The following EEF2KMT variants were observed in gnomAD, a reference collection of about 807,000 sequenced individuals.
EEF2KMT encodes the protein protein-lysine N-methyltransferase EEF2KMT.
Under a neutral mutation model 35.1 loss-of-function variants are expected in EEF2KMT, and 30 were observed. The observed-to-expected ratio is 0.85, with a 90% CI of 0.64 to 1.16. The LOEUF (loss-of-function observed/expected upper bound fraction) is 1.16, where lower values mean the gene tolerates loss of function less well. Ranked by LOEUF, EEF2KMT falls within the 50% of genes most tolerant of loss-of-function variation. EEF2KMT has a pLI of 0.00. For synonymous variants in EEF2KMT, 190 were observed against 187.7 expected, an observed-to-expected ratio of 1.01 and a Z score of -0.10; for missense variants, 499 against 438.2, an observed-to-expected ratio of 1.14 and a Z score of -1.24.
intron 1 of EEF2KMT, 123 bp downstream of exon 1, chr16:5,097,521 G>C (rs1459611889): frequency 2.7e-6 from 4 of 1,482,080 alleles, no homozygotes; most frequent in Non-Finnish European, 3.6e-6. Context: ...GCGCGGCCCT[G>C]ACCGGCGGGA....
At chr16:5,091,534 G>A (rs542746899) in intron 4 of EEF2KMT, among the ~76,000 whole-genome samples, 1 of 152,370 alleles carries the variant, frequency 6.6e-6, no homozygotes, top group South Asian at 2.1e-4. Flanking sequence ...ATTCTTTGAG[G>A]ACTGGGCACC....
rs748578012 is a variant in EEF2KMT at position 5,090,172 on chromosome 16, GCTGT to G, written c.650_653del (p.Asp217AlafsTer4). The G allele has an allele frequency of 2.5e-5, 41 of 1,611,524 alleles. No homozygotes were observed. The highest frequency in any genetic ancestry group is 3.2e-5 in the Non-Finnish European group (38 of 1,179,852). ...CCAGCTGGGCCACTGTCACCCTGGG[GCTGT>G]CTAACTTGGCAGTGATGTCTGCCTC... On this transcript the variant is annotated frameshift_variant, in exon 6 of 8. Coordinates refer to ENST00000427587, the MANE Select transcript of EEF2KMT (RefSeq NM_201400.4). LOFTEE classifies it high-confidence loss of function. The surrounding 1 kb of genome is among the most constrained non-coding windows in gnomAD (Gnocchi z 4.1).
intron 2 of EEF2KMT, among the ~76,000 whole-genome samples, chr16:5,093,814 G>C (rs1332548929): frequency 6.6e-6 from 1 of 152,200 alleles, no homozygotes; most frequent in Non-Finnish European, 1.5e-5. Context: ...AGGAACACAG[G>C]GCATGTGGGC....
intron 4 of EEF2KMT, 34 bp downstream of exon 4, chr16:5,091,760 G>T (rs1363734595): frequency 1.9e-6 from 3 of 1,610,374 alleles, no homozygotes; most frequent in African/African-American, 2.7e-5. Context: ...AGGGTATCTG[G>T]GCTGTGAGGG....
At position 5,097,662 on chromosome 16, in the gene EEF2KMT, C is replaced by T; in HGVS notation, c.78G>A (p.Leu26=). 1 of 1,574,968 alleles carries T rather than the reference C, an allele frequency of 6.3e-7. No individual in the cohort carries two copies. The highest frequency in any genetic ancestry group is 8.6e-7 in the Non-Finnish European group (1 of 1,166,498). ...CGCCCACCTGCCAGGGGAAGGAGCG[C>T]AGTGTGCGTGCCGCCAGGAAGCGGC... The part of the protein sequence containing the change: ...FERRFLAART[L]RSFPWQSLEA... Residue 26 remains leucine (L), a synonymous_variant, in exon 1 of 8, where the codon CTG becomes CTA. Transcript: ENST00000427587.
chr16:5,096,592 G>T (rs1171796027), intron 1 of EEF2KMT, among the ~76,000 whole-genome samples: 1 of 152,206 alleles, frequency 6.6e-6, no homozygotes, highest in Non-Finnish European at 1.5e-5. Context: ...TAAGAAAACA[G>T]CACAGAGAGA....
chr16:5,087,653 C>T (rs1001005100), intron 7 of EEF2KMT, among the ~76,000 whole-genome samples: 5 of 151,976 alleles, frequency 3.3e-5, no homozygotes, highest in Non-Finnish European at 5.9e-5. Flanking sequence ...CAAAAAATAG[C>T]CAGGTGTGGT....
chr16:5,088,183 C>T (rs1482186643), intron 7 of EEF2KMT, among the ~76,000 whole-genome samples: 2 of 152,168 alleles, frequency 1.3e-5, no homozygotes, highest in African/African-American at 2.4e-5. Context: ...GTCAAGTAGT[C>T]CTCTTGCCTT....
chr16:5,089,883 C>G (rs546069241), intron 6 of EEF2KMT, among the ~76,000 whole-genome samples: 1 of 152,286 alleles, frequency 6.6e-6, no homozygotes, highest in African/African-American at 2.4e-5. Flanking sequence ...TGCCTGTCTC[C>G]AAAAAGAGGG....
Position 5,090,357 on chromosome 16 carries a change from G to T in EEF2KMT, c.477-8C>A, listed in dbSNP as rs1192645834. On this transcript the variant is annotated splice_region_variant and splice_polypyrimidine_tract_variant and intron_variant, in intron 5 of 7. Coordinates refer to ENST00000427587, the MANE Select transcript of EEF2KMT (RefSeq NM_201400.4). The surrounding 1 kb of genome is among the most constrained non-coding windows in gnomAD (Gnocchi z 4.1). ...CCAAGCTCTAGGACAGTCCTGGCGGGAGGAAAGGGGACCGTGTCTGCGACT... is the reference window on the plus strand; with the variant it reads ...CCAAGCTCTAGGACAGTCCTGGCGGTAGGAAAGGGGACCGTGTCTGCGACT... 3 of 1,612,062 alleles carry T rather than the reference G, an allele frequency of 1.9e-6. No individual in the cohort carries two copies. In the East Asian group the frequency reaches 6.7e-5, roughly 36 times the overall value.
At chr16:5,095,407 T>C in intron 2 of EEF2KMT, 45 bp downstream of exon 2, 12 of 1,610,360 alleles carry the variant, frequency 7.5e-6, no homozygotes, top group Non-Finnish European at 8.5e-6. Context: ...TCTGGAGAGA[T>C]TCAGGAGGCA....
intron 1 of EEF2KMT, among the ~76,000 whole-genome samples, chr16:5,096,513 C>T (rs934144740): frequency 3.3e-5 from 5 of 152,194 alleles, no homozygotes; most frequent in African/African-American, 9.7e-5. Flanking sequence ...CACTGATCCA[C>T]AGGCTTTTGT....
In EEF2KMT at chr16:5,090,560, C is replaced by G. The variant is rs9673770; in HGVS notation, c.348G>C (p.Ser116=). 6.2e-6 allele frequency: 10 copies of G among 1,611,724 alleles called. No individual in the cohort carries two copies. Among genetic ancestry groups the G allele is most frequent in the Non-Finnish European group, 8.5e-6 (10 of 1,179,820 alleles). ...TQGHRSYLLP[S]GGSVTLSEST... ...TCTCGGAGAGTGTGACCGAGCCTCC[C>G]GAGGGCTGCACCAAGAGAAGGCGAG... Residue 116 remains serine, a synonymous_variant, in exon 5 of 8, where the codon TCG becomes TCC. Coordinates refer to ENST00000427587, the MANE Select transcript of EEF2KMT (RefSeq NM_201400.4). This position sits in a 1 kb window ranked among gnomAD's most constrained non-coding sequence, Gnocchi z 4.1.
At chr16:5,097,541 C>G in intron 1 of EEF2KMT, 103 bp downstream of exon 1, 1 of 1,502,928 alleles carries the variant, frequency 6.7e-7, no homozygotes, top group Non-Finnish European at 8.8e-7. Context: ...AGCCCAGGAA[C>G]TCACGTGGCG....
Position 5,095,549 on chromosome 16 carries a change from G to A in EEF2KMT, c.97-35C>T, listed in dbSNP as rs376243961. 2.2e-5 allele frequency: 36 copies of A among 1,610,220 alleles called. No homozygotes were observed. In the East Asian group the frequency reaches 4.9e-4, roughly 22 times the overall value. ...GGGGAAAGAGAGAAATCTCAAGGGCGCATTCACAGGAACATTAAACACGCA... is the reference window on the plus strand; with the variant it reads ...GGGGAAAGAGAGAAATCTCAAGGGCACATTCACAGGAACATTAAACACGCA... On this transcript the variant is annotated intron_variant, in intron 1 of 7. Coordinates refer to ENST00000427587, the MANE Select transcript of EEF2KMT (RefSeq NM_201400.4).
In EEF2KMT at chr16:5,084,846, G is replaced by A. The variant is rs1957095896; in HGVS notation, c.*786C>T. ...GCAGCTCCGATGGGATGAGAGCTGG[G>A]TGCAGACTGTGCTCCCTTTGGTTAT... On this transcript the variant is annotated 3_prime_UTR_variant, in exon 8 of 8. Transcript: ENST00000427587. The A allele has an allele frequency of 1.9e-6, 3 of 1,596,376 alleles. No homozygotes were observed. In the African/African-American group the frequency reaches 4.0e-5, roughly 21 times the overall value.
chr16:5,089,617 C>G (rs1957297069), intron 6 of EEF2KMT, among the ~76,000 whole-genome samples: 1 of 152,144 alleles, frequency 6.6e-6, no homozygotes, highest in Admixed American at 6.5e-5. Flanking sequence ...CAGGGGTGGG[C>G]TTGTGTCCCT....
chr16:5,088,181 G>T (rs991976654), intron 7 of EEF2KMT, among the ~76,000 whole-genome samples: 11 of 152,158 alleles, frequency 7.2e-5, no homozygotes, highest in Non-Finnish European at 7.3e-5. Flanking sequence ...GGGTCAAGTA[G>T]TCCTCTTGCC....
intron 7 of EEF2KMT, 103 bp downstream of exon 7, chr16:5,089,004 G>A (rs1476264859): frequency 8.1e-6 from 13 of 1,598,734 alleles, no homozygotes; most frequent in Non-Finnish European, 9.3e-6. Context: ...TGGGAGTGTG[G>A]GGCAACCTAG....
Sources: gnomAD v4.1 joint callset for allele counts (sites outside exome capture counted in the v4.1 genomes callset) on GRCh38, gnomAD v4.1.1 for gene constraint, Gnocchi (gnomAD v3.1) non-coding constraint, MANE v1.5 for transcripts, NCBI Gene and HGNC (gene_info 2026-07-23, HGNC 2026-07-21) for gene names.